Variants in VPS53 observed in about 807,000 individuals in gnomAD.
VPS53 encodes the protein VPS53 subunit of GARP complex.
Under a neutral mutation model 107.0 loss-of-function variants are expected in VPS53, and 70 were observed. That is an observed-to-expected ratio of 0.65 (90% CI 0.54 to 0.80). The LOEUF (loss-of-function observed/expected upper bound fraction) is 0.80. Among genes scored for constraint, VPS53 ranks in the 30% least tolerant of loss-of-function variants. The pLI, the probability that VPS53 is intolerant of heterozygous loss-of-function variation, is 0.00. For synonymous variants in VPS53, 409 were observed against 393.3 expected, an observed-to-expected ratio of 1.04 and a Z score of -0.47; for missense variants, 917 against 1,049.4, an observed-to-expected ratio of 0.87 and a Z score of 1.74.
chr17:530,625 A>C (rs1258833267), intron 19 of VPS53, among the ~76,000 whole-genome samples: 1 of 152,194 alleles, frequency 6.6e-6, no homozygotes, highest in Non-Finnish European at 1.5e-5. Flanking sequence ...GGACTTCAAC[A>C]ACAACGTGGG....
At chr17:658,165 C>T (rs1971277954) in intron 5 of VPS53, among the ~76,000 whole-genome samples, 2 of 149,296 alleles carry the variant, frequency 1.3e-5, no homozygotes, top group South Asian at 2.2e-4. Flanking sequence ...TGGATAGTTA[C>T]ATCCCACTAA....
At chr17:650,777 T>C (rs1970911725) in intron 7 of VPS53, among the ~76,000 whole-genome samples, 1 of 152,174 alleles carries the variant, frequency 6.6e-6, no homozygotes, top group South Asian at 2.1e-4. Flanking sequence ...AAAGGGGGCA[T>C]ATTTTAAGAA....
intron 4 of VPS53, among the ~76,000 whole-genome samples, chr17:688,981 G>C (rs919107539): frequency 6.6e-6 from 1 of 152,196 alleles, no homozygotes; most frequent in Middle Eastern, 3.2e-3. Context: ...GCCAATCTTG[G>C]CCACTAATGG....
chr17:712,677 G>T (rs193043276), intron 1 of VPS53, among the ~76,000 whole-genome samples: 97 of 152,188 alleles, frequency 6.4e-4, no homozygotes, highest in Non-Finnish European at 1.1e-3. Flanking sequence ...TTGACATAAA[G>T]ATGTCTGCTA....
chr17:585,292 A>C (rs1967251126), intron 13 of VPS53, among the ~76,000 whole-genome samples: 1 of 152,180 alleles, frequency 6.6e-6, no homozygotes, highest in Non-Finnish European at 1.5e-5. Context: ...ATCAAGAAAA[A>C]ACAAACAAAA....
intron 7 of VPS53, among the ~76,000 whole-genome samples, chr17:638,660 C>A (rs1383198219): frequency 3.3e-5 from 5 of 152,088 alleles, no homozygotes; most frequent in African/African-American, 1.2e-4. Flanking sequence ...GATTTTATTT[C>A]TCCTTCACTT....
At chr17:562,333 G>A (rs183314456) in intron 14 of VPS53, among the ~76,000 whole-genome samples, 170 bp downstream of exon 14, 204 of 152,252 alleles carry the variant, frequency 1.3e-3, no homozygotes, top group African/African-American at 3.8e-3. Flanking sequence ...GTCTTGATCA[G>A]CTGTGGAATG....
intron 12 of VPS53, among the ~76,000 whole-genome samples, chr17:595,252 GC>G (rs1967903224): frequency 1.3e-5 from 1 of 75,970 alleles, no homozygotes; most frequent in Non-Finnish European, 3.0e-5. Context: ...CTAGTGCCCT[GC>G]CCTGGAGGAA....
In VPS53 at chr17:710,598, C is replaced by G; in HGVS notation, c.103G>C (p.Asp35His). ...LAIEQVFPSQDPLDRADFNAV... is the reference protein window; with the variant it reads ...LAIEQVFPSQHPLDRADFNAV... ...TTGAAATCTGCTCGATCTAGAGGGT[C>G]CTGGCTTGGAAACACCTATATAGAA... The change falls in exon 2 of 22, where the codon GAC becomes CAC. Residue 35 changes from aspartate (D) to histidine (H), a missense_variant. Transcript: ENST00000437048. 1 of 1,613,638 alleles carries G rather than the reference C, an allele frequency of 6.2e-7. No homozygotes were observed. Among genetic ancestry groups the G allele is most frequent in the Non-Finnish European group, 8.5e-7 (1 of 1,179,738 alleles).
At chr17:621,100 T>G (rs959493610) in intron 11 of VPS53, among the ~76,000 whole-genome samples, 9 of 152,204 alleles carry the variant, frequency 5.9e-5, no homozygotes, top group African/African-American at 2.2e-4. Context: ...CTCTACCTAC[T>G]CTCACTCCAA....
chr17:666,675 C>T (rs1971702705), intron 4 of VPS53, among the ~76,000 whole-genome samples: 1 of 151,198 alleles, frequency 6.6e-6, no homozygotes, highest in African/African-American at 2.4e-5. Flanking sequence ...AAAACAACAA[C>T]AACAACAAAA....
chr17:674,085 G>T (rs1266118717), intron 4 of VPS53: 4 of 152,194 alleles, frequency 2.6e-5, no homozygotes, highest in African/African-American at 9.6e-5. Flanking sequence ...TTGACGAAAG[G>T]TAACCCCGGA....
chr17:662,805 GAAAA>G (rs202061865), intron 4 of VPS53, among the ~76,000 whole-genome samples: 2 of 147,138 alleles, frequency 1.4e-5, no homozygotes, highest in Admixed American at 6.9e-5. Flanking sequence ...GAGAAAGAAA[GAAAA>G]AAAGAAAGAA....
intron 13 of VPS53, 109 bp from the exon 14 acceptor site, chr17:562,854 T>G: frequency 7.8e-7 from 1 of 1,276,210 alleles, no homozygotes; most frequent in Non-Finnish European, 1.1e-6. Flanking sequence ...TCATTCCTAC[T>G]GCATTTAAAA....
At chr17:635,275 A>C (rs956883746) in intron 7 of VPS53, among the ~76,000 whole-genome samples, 11 of 151,970 alleles carry the variant, frequency 7.2e-5, no homozygotes, top group Admixed American at 2.0e-4. Context: ...TGTTTGAGTT[A>C]TTTATAGATT....
intron 4 of VPS53, among the ~76,000 whole-genome samples, chr17:672,654 T>C (rs1049797333): frequency 3.3e-5 from 5 of 152,154 alleles, no homozygotes; most frequent in East Asian, 3.9e-4. Flanking sequence ...CAGAAAAAAA[T>C]TGAAGTCTTT....
rs546583809 is a variant in VPS53 at position 639,087 on chromosome 17, C to T, written c.609-7459G>A. On this transcript the variant is annotated intron_variant, in intron 7 of 21. Transcript: ENST00000437048. ...CGTAGATTTGGTCTTTTCACATAGT[C>T]CCGTATTTCTTGGAGGCTTTGTTCA... is the stretch of plus-strand genomic sequence containing the variant. Among the ~76,000 whole-genome samples, 71 of 152,280 alleles carry T rather than the reference C, an allele frequency of 4.7e-4. 1 individual carries two copies. The Middle Eastern group carries it at 0.017, about 36-fold the overall frequency.
At chr17:679,420 G>A (rs779000828) in intron 4 of VPS53, among the ~76,000 whole-genome samples, 50 of 151,920 alleles carry the variant, frequency 3.3e-4, no homozygotes, top group African/African-American at 1.1e-3. Flanking sequence ...AGGCTGAGGC[G>A]GGAGAATCGC....
intron 18 of VPS53, among the ~76,000 whole-genome samples, chr17:534,046 G>C (rs1388404969): frequency 1.3e-5 from 2 of 151,944 alleles, no homozygotes; most frequent in African/African-American, 2.4e-5. Flanking sequence ...CACCATGTTG[G>C]CCAGGCTGGT....
Sources: gnomAD v4.1 joint callset for allele counts (sites outside exome capture counted in the v4.1 genomes callset) on GRCh38, gnomAD v4.1.1 for gene constraint, MANE v1.5 for transcripts, NCBI Gene and HGNC (gene_info 2026-07-23, HGNC 2026-07-21) for gene names.